DCAF11: variants seen among roughly 807,000 people sequenced by gnomAD.
DCAF11 encodes DDB1- and CUL4-associated factor 11.
Under a neutral mutation model 76.1 loss-of-function variants are expected in DCAF11, and 44 were observed. The observed-to-expected ratio is 0.58, with a 90% confidence interval of 0.45 to 0.74. The LOEUF (loss-of-function observed/expected upper bound fraction) is 0.74, where lower values mean the gene tolerates loss of function less well. Ranked by LOEUF, DCAF11 falls within the 30% of genes least tolerant of loss-of-function variation. DCAF11 has a pLI of 0.00. For synonymous variants in DCAF11, 258 were observed against 255.0 expected (o/e 1.01, Z -0.11); for missense variants, 604 against 709.4 (o/e 0.85, Z 1.69).
intron 11 of DCAF11, among the ~76,000 whole-genome samples, chr14:24,120,258 C>CAA (rs1218249379): frequency 6.9e-6 from 1 of 144,488 alleles, no homozygotes; most frequent in Non-Finnish European, 1.5e-5. Flanking sequence ...AAAAAAAAAA[C>CAA]AAAAAAAAAA....
At chr14:24,119,054 T>C in intron 8 of DCAF11, 91 bp from the exon 9 acceptor site, 1 of 1,536,132 alleles carries the variant, frequency 6.5e-7, no homozygotes, top group Non-Finnish European at 9.0e-7. Context: ...TTTTTTCCCC[T>C]GGGGATGTGC....
rs762891063 is a variant in DCAF11 at position 24,117,379 on chromosome 14, C to T, written c.397C>T (p.Arg133Ter). 8.7e-6 allele frequency: 14 copies of T among 1,614,066 alleles called. No homozygotes were observed. Among genetic ancestry groups the T allele is most frequent in the Non-Finnish European group, 1.2e-5 (14 of 1,180,036 alleles). Residue 133 changes from arginine (R) to a stop codon, truncating the protein, a stop_gained, in exon 4 of 15, where the codon CGA becomes TGA. Transcript: ENST00000446197. LOFTEE classifies it high-confidence loss of function. The surrounding 1 kb of genome is among the most constrained non-coding windows in gnomAD (Gnocchi z 4.3). ...RRAAQKHSFP[R>*]MLHQRERGLC... ...GGCCGCCCAGAAGCACAGCTTTCCT[C>T]GAATGTTGCACCAGGTAGGCCTCTC...
rs1282820274 is a variant in DCAF11 at position 24,119,115 on chromosome 14, C to T, written c.780-30C>T. On this transcript the variant is annotated intron_variant, in intron 8 of 14. Coordinates refer to ENST00000446197, the MANE Select transcript of DCAF11 (RefSeq NM_025230.5). ...TAGATTAACAAAAGCTGAAGGAAGT[C>T]CACTTAACCCAGCTCCTTCTTGCTT... The T allele has an allele frequency of 1.9e-6, 3 of 1,613,838 alleles. No individual in the cohort carries two copies. The African/African-American group carries it at 4.0e-5, about 22-fold the overall frequency.
In DCAF11 at chr14:24,118,644, C is replaced by G. The variant is rs527521657; in HGVS notation, c.725-106C>G. On this transcript the variant is annotated intron_variant, in intron 7 of 14. Transcript: ENST00000446197. ...CACTTTGTCCTGGGAAAATCACTCCCAAAGTGCTCCAGTACCCTTGTCCCC... is the reference window on the plus strand; with the variant it reads ...CACTTTGTCCTGGGAAAATCACTCCGAAAGTGCTCCAGTACCCTTGTCCCC... 6.3e-6 allele frequency: 10 copies of G among 1,590,842 alleles called. No individual in the cohort carries two copies. In the South Asian group the frequency reaches 1.1e-4, roughly 18 times the overall value.
In DCAF11 at chr14:24,123,244, G is replaced by A; in HGVS notation, c.1576G>A (p.Glu526Lys). 3 of 1,571,724 alleles carry A rather than the reference G, an allele frequency of 1.9e-6. No individual in the cohort carries two copies. The highest frequency in any genetic ancestry group is 2.6e-6 in the Non-Finnish European group (3 of 1,157,354). The change falls in exon 15 of 15, where the codon GAG becomes AAG. Residue 526 changes from glutamate (E) to lysine (K), a missense_variant. By Grantham distance (56) the Glu-to-Lys change is moderately conservative. Transcript: ENST00000446197. ...CTTCCAGGATGACATGCCAGAATCT[G>A]AGGAATGTGCCAGCGCCCCTGCCCC... ...EYFQDDMPES[E>K]ECASAPAPVP...
chr14:24,117,281 A>G lies in DCAF11; in HGVS notation c.299A>G (p.Asp100Gly), dbSNP rs2037599267. ...RYNPPVDATP[D>G]TRELEFNEIK... is the part of the protein sequence containing the mutation. ...GTACTCACAGTGGATGCTACCCCTG[A>G]CACCCGGGAGCTGGAATTCAATGAG... Residue 100 changes from aspartate (D) to glycine (G), a missense_variant, in exon 4 of 15, where the codon GAC becomes GGC. Physicochemically the swap from Asp to Gly is moderately conservative, Grantham distance 94 (BLOSUM62 -1). Transcript: ENST00000446197. This position sits in a 1 kb window ranked among gnomAD's most constrained non-coding sequence, Gnocchi z 4.3. 1.2e-6 allele frequency: 2 copies of G among 1,614,192 alleles called. No homozygotes were observed. The highest frequency in any genetic ancestry group is 1.7e-6 in the Non-Finnish European group (2 of 1,180,032).
rs2037748832 is a variant in DCAF11 at position 24,124,689 on chromosome 14, TGAGCCCAG to T, written c.*1384_*1391del. 1 of 152,338 alleles carries T rather than the reference TGAGCCCAG, an allele frequency of 6.6e-6. No homozygotes were observed. Among genetic ancestry groups the T allele is most frequent in the African/African-American group, 2.4e-5 (1 of 41,432 alleles). The allele number at this position is 152,338 out of a possible 1,614,324, so 9.4% of individuals were successfully genotyped here. ...GGGAAGCCAAAGCTGATGGATCGCT[TGAGCCCAG>T]GAGTTTGAGACCAGCCTGGGCAACA... On this transcript the variant is annotated 3_prime_UTR_variant, in exon 15 of 15. Coordinates refer to ENST00000446197, the MANE Select transcript of DCAF11 (RefSeq NM_025230.5).
At chr14:24,119,357 C>G (rs1255245172) in intron 9 of DCAF11, 144 bp downstream of exon 9, 1 of 1,242,426 alleles carries the variant, frequency 8.0e-7, no homozygotes, top group East Asian at 2.3e-5. Context: ...GTTGCTTCAC[C>G]CCTTGCTCTC....
chr14:24,120,809 T>C, intron 11 of DCAF11, 29 bp from the exon 12 acceptor site: 1 of 1,610,862 alleles, frequency 6.2e-7, no homozygotes, highest in South Asian at 1.1e-5. Flanking sequence ...CAAGCTCTGA[T>C]GCTTCACTAT....
Position 24,118,156 on chromosome 14 carries a change from G to T in DCAF11, c.577+1G>T. The T allele has an allele frequency of 6.2e-7, 1 of 1,610,484 alleles. No individual in the cohort carries two copies. Among genetic ancestry groups the T allele is most frequent in the Non-Finnish European group, 8.5e-7 (1 of 1,177,678 alleles). ...CAAATATTCATGTCTGCTTGCCAAGGTACCAGACCCTGGTCCTATAAACTA... is the reference window on the plus strand; with the variant it reads ...CAAATATTCATGTCTGCTTGCCAAGTTACCAGACCCTGGTCCTATAAACTA... On this transcript the variant is annotated splice_donor_variant, in intron 6 of 14. Coordinates refer to ENST00000446197, the MANE Select transcript of DCAF11 (RefSeq NM_025230.5). LOFTEE classifies it high-confidence loss of function.
rs2037507697 is a variant in DCAF11, at chr14:24,114,958, CTTCAGTGGGAGGTGCT to C, written c.-547_-532del. On this transcript the variant is annotated 5_prime_UTR_variant, in exon 1 of 15. Coordinates refer to ENST00000446197, the MANE Select transcript of DCAF11 (RefSeq NM_025230.5). ...TCTCGCGTGGGGCGGTTACCGCCGG[CTTCAGTGGGAGGTGCT>C]TCTCGGCTTCCTCCCCCTCATGGCG... The C allele has an allele frequency of 5.1e-6, 5 of 985,912 alleles. No homozygotes were observed. The highest frequency in any genetic ancestry group is 1.7e-5 in the African/African-American group (1 of 57,264). The allele number at this position is 985,912 out of a possible 1,614,324, so 61.1% of individuals were successfully genotyped here. A position where few individuals can be genotyped will look rare whatever the true frequency, so the allele number is the denominator to read the frequency against.
Position 24,115,009 on chromosome 14 carries a change from C to G in DCAF11, c.-498C>G, listed in dbSNP as rs2037510516. ...CCTCCCCCTCATGGCGTACACACCCCCGGCGCACCACGTGGGCGTGAGGCG... is the reference window on the plus strand; with the variant it reads ...CCTCCCCCTCATGGCGTACACACCCGCGGCGCACCACGTGGGCGTGAGGCG... On this transcript the variant is annotated 5_prime_UTR_variant, in exon 1 of 15. Coordinates refer to ENST00000446197, the MANE Select transcript of DCAF11 (RefSeq NM_025230.5). 1 of 986,010 alleles carries G rather than the reference C, an allele frequency of 1.0e-6. No individual in the cohort carries two copies. The highest frequency in any genetic ancestry group is 1.1e-4 in the East Asian group (1 of 8,822). 61.1% of individuals were successfully genotyped at this position (986,010 alleles called of 1,614,324 possible).
In DCAF11 at chr14:24,117,676, G is replaced by A. The variant is rs142810577; in HGVS notation, c.420G>A (p.Arg140=). The change falls in exon 5 of 15, where the codon CGG becomes CGA. Residue 140 remains arginine (R), a synonymous_variant. Transcript: ENST00000446197. This position sits in a 1 kb window ranked among gnomAD's most constrained non-coding sequence, Gnocchi z 4.3. ...SFPRMLHQRE[R]GLCHRGSFSL... ...CAATCCCTTCCATTTAGAGAGAACG[G>A]GGCCTCTGCCATCGGGGAAGCTTCT... The A allele has an allele frequency of 2.5e-6, 4 of 1,614,014 alleles. No individual in the cohort carries two copies. Among genetic ancestry groups the A allele is most frequent in the Middle Eastern group, 1.6e-4 (1 of 6,084 alleles).
rs2037526952 is a variant in DCAF11, at chr14:24,115,409, C to T, written c.-186C>T. On this transcript the variant is annotated 5_prime_UTR_variant, in exon 2 of 15. Transcript: ENST00000446197. ...TTGGAGAAGGTTTGTGTTCCCGACG[C>T]CTTGGTAGTTGGCATAGGCTAAAGA... 2 of 714,596 alleles carry T rather than the reference C, an allele frequency of 2.8e-6. No homozygotes were observed. Among genetic ancestry groups the T allele is most frequent in the Non-Finnish European group, 4.3e-6 (2 of 470,324 alleles). The allele number at this position is 714,596 out of a possible 1,614,324, so 44.3% of individuals were successfully genotyped here. A position where few individuals can be genotyped will look rare whatever the true frequency, so the allele number is the denominator to read the frequency against.
chr14:24,119,214 G>C lies in DCAF11; in HGVS notation c.848+1G>C. 2 of 1,614,136 alleles carry C rather than the reference G, an allele frequency of 1.2e-6. No homozygotes were observed. On this transcript the variant is annotated splice_donor_variant, in intron 9 of 14. Coordinates refer to ENST00000446197, the MANE Select transcript of DCAF11 (RefSeq NM_025230.5). LOFTEE classifies it high-confidence loss of function. ...CAGATGGACGAGAAGTACTAGGAGGGTAAGTGCTTGTGGGGTATGTTTCCC... is the reference window on the plus strand; with the variant it reads ...CAGATGGACGAGAAGTACTAGGAGGCTAAGTGCTTGTGGGGTATGTTTCCC...
At chr14:24,122,927 A>G (rs2037718310) in intron 13 of DCAF11, 44 bp from the exon 14 acceptor site, 2 of 1,574,596 alleles carry the variant, frequency 1.3e-6, no homozygotes, top group Non-Finnish European at 1.7e-6. Flanking sequence ...GATAGTTTAG[A>G]TGTCTTGTGG....
chr14:24,119,284 A>G lies in DCAF11; in HGVS notation c.848+71A>G. On this transcript the variant is annotated intron_variant, in intron 9 of 14. Transcript: ENST00000446197. ...TCTGCCAGAGATGAGTTCTGCTGTT[A>G]CACAGATGGCACTGGCAGCTGCAGA... 4.4e-6 allele frequency: 7 copies of G among 1,580,724 alleles called. No homozygotes were observed. In the South Asian group the frequency reaches 6.7e-5, roughly 15 times the overall value.
At position 24,123,373 on chromosome 14, in the gene DCAF11, C is replaced by T; in HGVS notation, c.*64C>T. 2.7e-6 allele frequency: 4 copies of T among 1,498,924 alleles called. No homozygotes were observed. The highest frequency in any genetic ancestry group is 3.6e-6 in the Non-Finnish European group (4 of 1,123,262). 92.9% of individuals were successfully genotyped at this position (1,498,924 alleles called of 1,614,324 possible). Reference sequence around the variant, plus strand: ...AAGCTCTCTGCCTCCTCCTCCCTTTCTCCCTTGTGGGGAATGTTTGGAGGA... The same window carrying T: ...AAGCTCTCTGCCTCCTCCTCCCTTTTTCCCTTGTGGGGAATGTTTGGAGGA... On this transcript the variant is annotated 3_prime_UTR_variant, in exon 15 of 15. Transcript: ENST00000446197.
intron 11 of DCAF11, 62 bp from the exon 12 acceptor site, chr14:24,120,776 A>G: frequency 5.0e-6 from 8 of 1,594,360 alleles, no homozygotes; most frequent in Non-Finnish European, 6.9e-6. Context: ...AACGGGAACT[A>G]GACTGACAGG....
Sources: allele counts gnomAD v4.1 joint callset (sites outside exome capture counted in the v4.1 genomes callset), GRCh38; gene constraint gnomAD v4.1.1; non-coding constraint Gnocchi (gnomAD v3.1); transcripts MANE v1.5; gene names NCBI Gene and HGNC (gene_info 2026-07-23, HGNC 2026-07-21).